ABTB3: variants seen among roughly 807,000 people sequenced by gnomAD.
ABTB3 encodes ankyrin repeat- and BTB/POZ domain-containing protein 3.
chr12:107,581,144 C>G, the ABTB3 span: 2 of 1,545,556 alleles, frequency 1.3e-6, no homozygotes, highest in Non-Finnish European at 1.7e-6. Context: ...TCCCTCCTCC[C>G]ACCGCAGGCC....
chr12:107,503,430 A>G, the ABTB3 span, among the ~76,000 whole-genome samples: 2 of 152,054 alleles, frequency 1.3e-5, no homozygotes, highest in African/African-American at 4.8e-5. Flanking sequence ...CTCCAGGGTC[A>G]GCAAGGCCCC....
the ABTB3 span, among the ~76,000 whole-genome samples, chr12:107,438,017 T>A: frequency 6.6e-6 from 1 of 152,104 alleles, no homozygotes; most frequent in African/African-American, 2.4e-5. Context: ...ATTTTGCCTG[T>A]TTTTCTCTGG....
chr12:107,328,916 T>A, the ABTB3 span, among the ~76,000 whole-genome samples: 2 of 152,088 alleles, frequency 1.3e-5, no homozygotes, highest in African/African-American at 4.8e-5. Context: ...TCCTTGCGCA[T>A]AATATGTGGT....
chr12:107,547,347 T>C, the ABTB3 span, among the ~76,000 whole-genome samples: 1 of 152,186 alleles, frequency 6.6e-6, no homozygotes, highest in East Asian at 1.9e-4. Context: ...TCTCGCCATG[T>C]GACATCCTCC....
chr12:107,526,938 G>A, the ABTB3 span, among the ~76,000 whole-genome samples: 1 of 152,126 alleles, frequency 6.6e-6, no homozygotes, highest in Non-Finnish European at 1.5e-5. Flanking sequence ...CTCATGTGGT[G>A]AAGTGGCCAC....
At chr12:107,346,891 C>T in the ABTB3 span, among the ~76,000 whole-genome samples, 5 of 152,150 alleles carry the variant, frequency 3.3e-5, no homozygotes, top group African/African-American at 1.2e-4. Flanking sequence ...CCATTCTGGT[C>T]CTGCAGGGAA....
the ABTB3 span, among the ~76,000 whole-genome samples, chr12:107,390,012 T>C: frequency 6.6e-6 from 1 of 152,102 alleles, no homozygotes; most frequent in Admixed American, 6.6e-5. Flanking sequence ...TAAATGGTAT[T>C]CAGGGCTTCC....
At chr12:107,479,114 C>T in the ABTB3 span, among the ~76,000 whole-genome samples, 2 of 152,094 alleles carry the variant, frequency 1.3e-5, no homozygotes, top group African/African-American at 4.8e-5. Context: ...CACATCTGGG[C>T]TCCAGATGTT....
At chr12:107,615,778 G>C in the ABTB3 span, among the ~76,000 whole-genome samples, 9 of 152,218 alleles carry the variant, frequency 5.9e-5, no homozygotes, top group African/African-American at 1.9e-4. Flanking sequence ...GGCTGTTGTA[G>C]AGTTGGTGTT....
the ABTB3 span, among the ~76,000 whole-genome samples, chr12:107,639,877 A>T: frequency 0.44 from 66,616 of 152,064 alleles, 15,423 homozygotes; most frequent in African/African-American, 0.52. Context: ...GGAAGGGAAC[A>T]GGCTCATTTG....
chr12:107,607,454 T>C, the ABTB3 span, among the ~76,000 whole-genome samples: 6 of 152,170 alleles, frequency 3.9e-5, no homozygotes, highest in African/African-American at 1.4e-4. Flanking sequence ...TCCAACAGCG[T>C]TGGGGTGTTC....
chr12:107,451,884 C>T, the ABTB3 span, among the ~76,000 whole-genome samples: 1 of 152,200 alleles, frequency 6.6e-6, no homozygotes, highest in Non-Finnish European at 1.5e-5. Context: ...AACCAGTGAG[C>T]TAAGTCTGTT....
the ABTB3 span, among the ~76,000 whole-genome samples, chr12:107,346,330 C>T: frequency 4.3e-4 from 66 of 152,196 alleles, no homozygotes; most frequent in Non-Finnish European, 4.1e-4. Flanking sequence ...AGTTAGGGGG[C>T]ATCTAGGAGG....
At chr12:107,518,850 T>C in the ABTB3 span, among the ~76,000 whole-genome samples, 1 of 152,300 alleles carries the variant, frequency 6.6e-6, no homozygotes, top group Non-Finnish European at 1.5e-5. Context: ...ATACTTGTTC[T>C]TTAGGTCTCT....
At chr12:107,574,471 C>T in the ABTB3 span, among the ~76,000 whole-genome samples, 1 of 152,128 alleles carries the variant, frequency 6.6e-6, no homozygotes, top group Non-Finnish European at 1.5e-5. Context: ...TCCTCTAATC[C>T]CAGCTCTTTG....
the ABTB3 span, among the ~76,000 whole-genome samples, chr12:107,612,257 G>C: frequency 0.044 from 6,715 of 152,270 alleles, 510 homozygotes; most frequent in African/African-American, 0.15. Flanking sequence ...TCATTTGCTT[G>C]CCTTTTGCTT....
chr12:107,642,075 T>G, the ABTB3 span: 1 of 1,611,000 alleles, frequency 6.2e-7, no homozygotes, highest in Non-Finnish European at 8.5e-7. Context: ...ATCTCTTTTT[T>G]ATGTCCTTGT....
chr12:107,543,117 C>T, the ABTB3 span, among the ~76,000 whole-genome samples: 2 of 152,220 alleles, frequency 1.3e-5, no homozygotes, highest in South Asian at 4.1e-4. Flanking sequence ...AGGCAGATCA[C>T]CTGAGGTTAG....
the ABTB3 span, among the ~76,000 whole-genome samples, chr12:107,351,966 G>T: frequency 6.6e-6 from 1 of 152,182 alleles, no homozygotes; most frequent in East Asian, 1.9e-4. Flanking sequence ...GTCTACCAAT[G>T]GCATGCCATT....
Sources: gnomAD v4.1 joint callset for allele counts (sites outside exome capture counted in the v4.1 genomes callset) on GRCh38, gnomAD v4.1.1 for gene constraint, MANE v1.5 for transcripts, NCBI Gene and HGNC (gene_info 2026-07-23, HGNC 2026-07-21) for gene names.